The following WNT5A variants were observed in gnomAD, a reference collection of about 807,000 sequenced individuals.
WNT5A encodes protein Wnt-5a.
A neutral mutation model predicts 42.1 loss-of-function variants in WNT5A; 9 were observed. That is an observed-to-expected ratio of 0.21 (90% CI 0.13 to 0.37). The LOEUF is 0.37. WNT5A is among the 10% of genes least tolerant of loss of function. The probability of loss-of-function intolerance (pLI) is 1.00; values close to 1 mark genes in which losing one functional copy is unlikely to be tolerated. For synonymous variants in WNT5A, 210 were observed against 210.0 expected, an observed-to-expected ratio of 1.00 and a Z score of 0.00; for missense variants, 426 against 534.0, an observed-to-expected ratio of 0.80 and a Z score of 1.99.
chr3:55,469,981 C>T lies in WNT5A; in HGVS notation c.*111G>A. Reference sequence around the variant, plus strand: ...ACAGGAAAAAAAATGGTTCCGGTTGCAATTCTTGGGGAAAAATAAAAAATA... The same window carrying T: ...ACAGGAAAAAAAATGGTTCCGGTTGTAATTCTTGGGGAAAAATAAAAAATA... On this transcript the variant is annotated 3_prime_UTR_variant, in exon 5 of 5. Transcript: ENST00000264634. 3 of 1,342,272 alleles carry T rather than the reference C, an allele frequency of 2.2e-6. No individual in the cohort carries two copies. The highest frequency in any genetic ancestry group is 3.1e-6 in the Non-Finnish European group (3 of 962,594). The allele number at this position is 1,342,272 out of a possible 1,614,324, so 83.1% of individuals were successfully genotyped here.
chr3:55,493,099 T>G (rs1352217278), upstream of WNT5A, among the ~76,000 whole-genome samples: 1 of 152,204 alleles, frequency 6.6e-6, no homozygotes, highest in Non-Finnish European at 1.5e-5. Flanking sequence ...CAATTTACCT[T>G]GAATTCTTAC....
chr3:55,489,987 A>G (rs2051641317), upstream of WNT5A: 1 of 152,326 alleles, frequency 6.6e-6, no homozygotes, highest in South Asian at 2.1e-4. Flanking sequence ...TCCTAGGCAG[A>G]CACTCCAGCC....
chr3:55,503,846 G>T, the WNT5A span, among the ~76,000 whole-genome samples: 1 of 152,190 alleles, frequency 6.6e-6, no homozygotes, highest in East Asian at 1.9e-4. Flanking sequence ...CTACCCAGAA[G>T]GCTGACACAG....
intron 3 of WNT5A, among the ~76,000 whole-genome samples, chr3:55,478,077 C>G (rs571937823): frequency 6.6e-6 from 1 of 152,308 alleles, no homozygotes; most frequent in East Asian, 1.9e-4. Flanking sequence ...TCCTGTGTTC[C>G]TGAAGCTTAA....
At chr3:55,472,262 T>C (rs1403134575) in intron 4 of WNT5A, among the ~76,000 whole-genome samples, 1 of 152,188 alleles carries the variant, frequency 6.6e-6, no homozygotes, top group African/African-American at 2.4e-5. Context: ...AATCCTCTCT[T>C]GCCACTTGGA....
chr3:55,485,000 C>T (rs1381321318), intron 1 of WNT5A, among the ~76,000 whole-genome samples: 1 of 152,198 alleles, frequency 6.6e-6, no homozygotes, highest in Non-Finnish European at 1.5e-5. Context: ...CCTTCCCAAG[C>T]CCAGAAGAAG....
At position 55,474,583 on chromosome 3, in the gene WNT5A, C is replaced by T. The variant is rs1270663346; in HGVS notation, c.438G>A (p.Val146=). ...AFTYAVSAAG[V]VNAMSRACRE... is the part of the protein sequence containing the mutation. Reference sequence around the variant, plus strand: ...GGCACGCCCGGCTCATGGCGTTCACCACCCCTGCTGCGCTCACCGCGTATG... The same window carrying T: ...GGCACGCCCGGCTCATGGCGTTCACTACCCCTGCTGCGCTCACCGCGTATG... The change falls in exon 4 of 5, where the codon GTG becomes GTA. Residue 146 remains valine (V), a synonymous_variant. Coordinates refer to ENST00000264634, the MANE Select transcript of WNT5A (RefSeq NM_003392.7). 4 of 1,496,568 alleles carry T rather than the reference C, an allele frequency of 2.7e-6. No homozygotes were observed. The East Asian group carries it at 7.4e-5, about 28-fold the overall frequency. 92.7% of individuals were successfully genotyped at this position (1,496,568 alleles called of 1,614,324 possible).
At chr3:55,472,969 A>T (rs1575396820) in intron 4 of WNT5A, among the ~76,000 whole-genome samples, 1 of 152,074 alleles carries the variant, frequency 6.6e-6, no homozygotes, top group East Asian at 1.9e-4. Context: ...CCTCACAATA[A>T]CCTCAGGTAA....
At chr3:55,495,168 A>T (rs139756786), upstream of WNT5A, among the ~76,000 whole-genome samples, 28 of 152,314 alleles carry the variant, frequency 1.8e-4, no homozygotes, top group African/African-American at 6.0e-4. Flanking sequence ...CCATTACCTC[A>T]CATACTTGAC....
rs2051164078 is a variant in WNT5A at position 55,467,427 on chromosome 3, C to T, written c.*2665G>A. 3 of 148,728 alleles carry T rather than the reference C, an allele frequency of 2.0e-5. No individual in the cohort carries two copies. The highest frequency in any genetic ancestry group is 3.7e-3 in the Middle Eastern group (1 of 270). The allele number at this position is 148,728 out of a possible 1,614,324, so 9.2% of individuals were successfully genotyped here. On this transcript the variant is annotated 3_prime_UTR_variant, in exon 5 of 5. Coordinates refer to ENST00000264634, the MANE Select transcript of WNT5A (RefSeq NM_003392.7). ...AGAGAATTCCCCTTTTGTTCCATTA[C>T]ATATAGAAACCTTTTGAAGCTTCCA...
chr3:55,471,335 C>T (rs1233124881), intron 4 of WNT5A, among the ~76,000 whole-genome samples: 1 of 152,138 alleles, frequency 6.6e-6, no homozygotes, highest in East Asian at 1.9e-4. Context: ...CTGTTTCCCA[C>T]ACAGTCCCTA....
the WNT5A span, among the ~76,000 whole-genome samples, chr3:55,498,509 C>T: frequency 1.3e-5 from 2 of 152,168 alleles, no homozygotes; most frequent in Non-Finnish European, 2.9e-5. Flanking sequence ...AGCAGACACA[C>T]TACTGAAGAA....
chr3:55,477,044 C>T (rs76346715), intron 3 of WNT5A, among the ~76,000 whole-genome samples: 8 of 152,178 alleles, frequency 5.3e-5, no homozygotes, highest in East Asian at 1.9e-4. Flanking sequence ...TCAGAGGTGG[C>T]GGCCTGAATT....
chr3:55,487,318 C>A (rs968814842), upstream of WNT5A: 1 of 375,820 alleles, frequency 2.7e-6, no homozygotes, highest in Non-Finnish European at 4.7e-6. Context: ...CACGGAGAGG[C>A]GCTCCGTTTC....
intron 4 of WNT5A, among the ~76,000 whole-genome samples, chr3:55,473,770 C>T (rs1479751731): frequency 6.6e-6 from 1 of 151,556 alleles, no homozygotes; most frequent in African/African-American, 2.4e-5. Context: ...GAAAGAGCCT[C>T]AAAGCTGGGG....
the WNT5A span, among the ~76,000 whole-genome samples, chr3:55,495,801 C>T: frequency 6.6e-6 from 1 of 152,106 alleles, no homozygotes; most frequent in East Asian, 1.9e-4. Context: ...TATTAATTTA[C>T]ATTCCCACTG....
chr3:55,470,062 G>A lies in WNT5A; in HGVS notation c.*30C>T. 6.2e-7 allele frequency: 1 copy of A among 1,613,178 alleles called. No homozygotes were observed. The highest frequency in any genetic ancestry group is 8.5e-7 in the Non-Finnish European group (1 of 1,179,262). On this transcript the variant is annotated 3_prime_UTR_variant, in exon 5 of 5. Transcript: ENST00000264634. Reference sequence around the variant, plus strand: ...ACTTTCTATAAATAAGCGGGTCCTGGGAGCGGGGCTGAGTGCTGGGTGGCA... The same window carrying A: ...ACTTTCTATAAATAAGCGGGTCCTGAGAGCGGGGCTGAGTGCTGGGTGGCA...
intron 4 of WNT5A, among the ~76,000 whole-genome samples, chr3:55,472,979 A>C (rs2051280473): frequency 6.6e-6 from 1 of 152,126 alleles, no homozygotes; most frequent in East Asian, 1.9e-4. Flanking sequence ...ACCTCAGGTA[A>C]TTGTAATTGC....
chr3:55,482,375 G>T (rs1204846675), intron 1 of WNT5A, among the ~76,000 whole-genome samples: 3 of 152,148 alleles, frequency 2.0e-5, no homozygotes, highest in African/African-American at 7.2e-5. Context: ...CCCCTTACAC[G>T]TAAGTCTAAC....
Sources: gnomAD v4.1 joint callset for allele counts (sites outside exome capture counted in the v4.1 genomes callset) on GRCh38, gnomAD v4.1.1 for gene constraint, MANE v1.5 for transcripts, NCBI Gene and HGNC (gene_info 2026-07-23, HGNC 2026-07-21) for gene names.